The following ABCC4 variants were observed in gnomAD, a reference collection of about 807,000 sequenced individuals.
ABCC4 encodes the protein ATP-binding cassette sub-family C member 4.
A neutral mutation model predicts 168.5 loss-of-function variants in ABCC4; 102 were observed. That is an observed-to-expected ratio of 0.61 (90% confidence interval 0.52 to 0.71). ABCC4 has a LOEUF of 0.71. Among genes scored for constraint, ABCC4 ranks in the 30% least tolerant of loss-of-function variants. The probability of loss-of-function intolerance (pLI) is 0.00; values close to 1 mark genes in which losing one functional copy is unlikely to be tolerated. For synonymous variants in ABCC4, 617 were observed against 590.7 expected (o/e 1.04, Z -0.65); for missense variants, 1,402 against 1,605.8 (o/e 0.87, Z 2.17).
intron 30 of ABCC4, among the ~76,000 whole-genome samples, chr13:95,030,342 T>A (rs922536711): frequency 6.6e-6 from 1 of 152,002 alleles, no homozygotes; most frequent in Non-Finnish European, 1.5e-5. Flanking sequence ...ACTTTTGAGT[T>A]GTATCTGGCA....
intron 4 of ABCC4, among the ~76,000 whole-genome samples, chr13:95,223,436 C>A (rs1408095831): frequency 6.6e-6 from 1 of 152,026 alleles, no homozygotes; most frequent in African/African-American, 2.4e-5. Flanking sequence ...TTAGTATGTT[C>A]AAAGAAACTG....
intron 4 of ABCC4, among the ~76,000 whole-genome samples, chr13:95,221,805 A>G (rs557352016): frequency 2.3e-4 from 35 of 152,250 alleles, no homozygotes; most frequent in Non-Finnish European, 4.4e-4. Context: ...ATTTTTAAAA[A>G]ATAAATAAAT....
At chr13:95,300,555 C>G (rs2138980270) in intron 1 of ABCC4, among the ~76,000 whole-genome samples, 1 of 152,246 alleles carries the variant, frequency 6.6e-6, no homozygotes, top group East Asian at 1.9e-4. Flanking sequence ...CACATGGACA[C>G]ACAGTGAGAT....
chr13:95,154,227 G>C (rs1594193459), intron 19 of ABCC4, among the ~76,000 whole-genome samples: 1 of 152,280 alleles, frequency 6.6e-6, no homozygotes, highest in South Asian at 2.1e-4. Flanking sequence ...CTTTTCTGGT[G>C]ATGACTAACT....
Position 95,212,580 on chromosome 13 carries a change from C to T in ABCC4, c.532-1799G>A, listed in dbSNP as rs77431831. Among the ~76,000 whole-genome samples the T allele has an allele frequency of 9.7e-4, 148 of 152,282 alleles. 1 individual carries two copies. In the East Asian group the frequency reaches 0.024, roughly 25 times the overall value. On this transcript the variant is annotated intron_variant, in intron 4 of 30. Coordinates refer to ENST00000645237, the MANE Select transcript of ABCC4 (RefSeq NM_005845.5). ...GCCAACAATGAGGATTTAGGTAAGACAGCACAGATGCCAATTTGTGAAAAA... is the reference window on the plus strand; with the variant it reads ...GCCAACAATGAGGATTTAGGTAAGATAGCACAGATGCCAATTTGTGAAAAA...
At chr13:95,289,967 A>G (rs1227767062) in intron 1 of ABCC4, among the ~76,000 whole-genome samples, 1 of 151,964 alleles carries the variant, frequency 6.6e-6, no homozygotes, top group Non-Finnish European at 1.5e-5. Flanking sequence ...ATGGTAGCGC[A>G]TGCCTATAAT....
intron 1 of ABCC4, among the ~76,000 whole-genome samples, chr13:95,268,622 T>C (rs2040749146): frequency 6.6e-6 from 1 of 152,340 alleles, no homozygotes; most frequent in Non-Finnish European, 1.5e-5. Flanking sequence ...AGGTGAGACA[T>C]GCTGGCGGCA....
intron 3 of ABCC4, among the ~76,000 whole-genome samples, chr13:95,238,192 T>A (rs1172079274): frequency 1.3e-5 from 1 of 75,940 alleles, no homozygotes. Flanking sequence ...AGACTCCATC[T>A]CAGAAAAAAA....
chr13:95,165,678 C>T (rs913825649), intron 15 of ABCC4, among the ~76,000 whole-genome samples: 2 of 152,186 alleles, frequency 1.3e-5, no homozygotes, highest in African/African-American at 4.8e-5. Context: ...CTAACATAAA[C>T]CATCTGACAA....
intron 19 of ABCC4, among the ~76,000 whole-genome samples, chr13:95,137,674 A>G (rs535420234): frequency 1.3e-5 from 2 of 152,110 alleles, no homozygotes; most frequent in African/African-American, 2.4e-5. Flanking sequence ...ATGGGGGGGA[A>G]CTCCAATTTG....
chr13:95,062,897 AG>A (rs757966635), intron 25 of ABCC4, 38 bp from the exon 26 acceptor site: 29 of 235,676 alleles, frequency 1.2e-4, no homozygotes, highest in Admixed American at 1.1e-3. Context: ...AAAAAAAAAA[AG>A]AAAAAAATCA....
chr13:95,082,867 C>G (rs191632378), intron 21 of ABCC4, among the ~76,000 whole-genome samples: 12 of 152,116 alleles, frequency 7.9e-5, no homozygotes, highest in African/African-American at 2.4e-4. Context: ...ACGGAGAGTC[C>G]CTGTCTTCAC....
chr13:95,192,954 G>A, intron 9 of ABCC4, among the ~76,000 whole-genome samples: 1 of 152,250 alleles, frequency 6.6e-6, no homozygotes, highest in Admixed American at 6.5e-5. Context: ...GTGTATGAGG[G>A]TGGGAATGCC....
At chr13:95,281,397 G>C (rs2138917630) in intron 1 of ABCC4, among the ~76,000 whole-genome samples, 1 of 151,616 alleles carries the variant, frequency 6.6e-6, no homozygotes, top group Middle Eastern at 3.4e-3. Flanking sequence ...CACTGGACAG[G>C]CTTTTGCCCA....
intron 19 of ABCC4, among the ~76,000 whole-genome samples, chr13:95,157,684 T>C (rs2036916517): frequency 2.0e-5 from 3 of 152,174 alleles, no homozygotes; most frequent in South Asian, 4.1e-4. Context: ...TTGTATTATA[T>C]AAACAAAGAT....
chr13:95,108,013 C>T (rs1011412945), intron 20 of ABCC4, among the ~76,000 whole-genome samples: 1 of 152,134 alleles, frequency 6.6e-6, no homozygotes, highest in Non-Finnish European at 1.5e-5. Flanking sequence ...ATCTAAAAAA[C>T]AGTCACAGTT....
At chr13:95,287,209 A>G (rs767457469) in intron 1 of ABCC4, among the ~76,000 whole-genome samples, 4 of 151,990 alleles carry the variant, frequency 2.6e-5, no homozygotes, top group Admixed American at 1.3e-4. Context: ...GAGGCATGAG[A>G]ATCACTTGAA....
chr13:95,034,622 T>C lies in ABCC4; in HGVS notation c.3853A>G (p.Thr1285Ala). ...ACGCTCACCTGTTTTGCTGTTTCAG[T>C]GAGGGCAGCGGCTTCTGCCTTGCCC... is the stretch of plus-strand genomic sequence containing the variant. ...QLGKAEAAAL[T>A]ETAKQVYFKR... Residue 1285 changes from threonine (T) to alanine (A), a missense_variant, in exon 30 of 31, where the codon ACT (threonine) becomes GCT (alanine). Around this residue, in one of 3 missense-constraint regions of ABCC4, gnomAD observed 1,007 missense variants for 1,127.3 expected, o/e 0.89. Coordinates refer to ENST00000645237, the MANE Select transcript of ABCC4 (RefSeq NM_005845.5). 1 of 1,613,562 alleles carries C rather than the reference T, an allele frequency of 6.2e-7. No homozygotes were observed. The highest frequency in any genetic ancestry group is 8.5e-7 in the Non-Finnish European group (1 of 1,179,946).
chr13:95,227,090 A>G (rs1424733122), intron 4 of ABCC4, among the ~76,000 whole-genome samples: 5 of 152,224 alleles, frequency 3.3e-5, no homozygotes, highest in Non-Finnish European at 5.9e-5. Context: ...CCACTGAGCT[A>G]AAGCATTTTC....
Sources: allele counts gnomAD v4.1 joint callset (sites outside exome capture counted in the v4.1 genomes callset), GRCh38; gene constraint gnomAD v4.1.1; regional missense constraint gnomAD v4.1.1; transcripts MANE v1.5; gene names NCBI Gene and HGNC (gene_info 2026-07-23, HGNC 2026-07-21).